RAI1: variants seen among roughly 807,000 people sequenced by gnomAD.
RAI1 encodes the protein retinoic acid induced 1.
RAI1 carries 9 observed loss-of-function variants against 123.8 expected under a neutral mutation model. The observed-to-expected ratio is 0.07, with a 90% confidence interval of 0.04 to 0.13. The LOEUF is 0.13. Among genes scored for constraint, RAI1 ranks in the 10% least tolerant of loss-of-function variants. The pLI, the probability that RAI1 is intolerant of heterozygous loss-of-function variation, is 1.00. For synonymous variants in RAI1, 1,231 were observed against 1,127.3 expected (o/e 1.09, Z -1.84); for missense variants, 2,256 against 2,545.8 (o/e 0.89, Z 2.45).
chr17:17,691,749 A>T (rs1914844798), intron 1 of RAI1, among the ~76,000 whole-genome samples: 1 of 151,326 alleles, frequency 6.6e-6, no homozygotes, highest in African/African-American at 2.4e-5. Flanking sequence ...GTTTGAGGGA[A>T]CTCCAGCCCC....
intron 1 of RAI1, among the ~76,000 whole-genome samples, chr17:17,682,325 T>C (rs1914456022): frequency 6.6e-6 from 1 of 150,994 alleles, no homozygotes; most frequent in Admixed American, 6.6e-5. Flanking sequence ...GTGCTCGGGC[T>C]CTCTGCGGTG....
At chr17:17,787,656 C>T (rs1433253473) in intron 2 of RAI1, among the ~76,000 whole-genome samples, 1 of 152,176 alleles carries the variant, frequency 6.6e-6, no homozygotes, top group Non-Finnish European at 1.5e-5. Flanking sequence ...GCCCTGCGGC[C>T]CAGGTCTCCC....
intron 1 of RAI1, among the ~76,000 whole-genome samples, chr17:17,705,948 C>T (rs764352889): frequency 1.5e-4 from 22 of 142,242 alleles, no homozygotes; most frequent in African/African-American, 5.6e-4. Flanking sequence ...CTCCTGAATC[C>T]GGGAGGCAGA....
rs555036003 is a variant in RAI1 at position 17,799,503 on chromosome 17, C to G, written c.5565+990C>G. On this transcript the variant is annotated intron_variant, in intron 3 of 5. Transcript: ENST00000353383. The surrounding 1 kb of genome is among the most constrained non-coding windows in gnomAD (Gnocchi z 4.5). ...CTGCCCCCACATTCAACCCCGACTC[C>G]ACTGCCTCATCCAGACTTCCGTGGA... Among the ~76,000 whole-genome samples, 10 of 152,308 alleles carry G rather than the reference C, an allele frequency of 6.6e-5. No individual in the cohort carries two copies. In the South Asian group the frequency reaches 2.1e-3, roughly 32 times the overall value.
At chr17:17,786,187 C>T (rs755985803) in intron 2 of RAI1, among the ~76,000 whole-genome samples, 3 of 152,154 alleles carry the variant, frequency 2.0e-5, no homozygotes, top group African/African-American at 4.8e-5. Context: ...CACTTCCCTG[C>T]CAGGCCTCGG....
chr17:17,707,556 G>A (rs1338638659), intron 1 of RAI1, among the ~76,000 whole-genome samples: 1 of 152,140 alleles, frequency 6.6e-6, no homozygotes. Context: ...GAGCCACTGT[G>A]GCTGGAGGGG....
intron 2 of RAI1, chr17:17,782,034 G>A (rs796593533): frequency 1.1e-4 from 17 of 152,338 alleles, no homozygotes; most frequent in African/African-American, 3.6e-4. Flanking sequence ...GGGAGAGAGG[G>A]AGGCGAAGGG....
intron 2 of RAI1, among the ~76,000 whole-genome samples, chr17:17,765,049 C>T (rs1447089468): frequency 1.3e-5 from 2 of 152,234 alleles, no homozygotes; most frequent in African/African-American, 4.8e-5. Context: ...TCTTCGGTGG[C>T]TTGCGCCTGT....
At chr17:17,738,846 C>T (rs1030230560) in intron 2 of RAI1, among the ~76,000 whole-genome samples, 6 of 152,174 alleles carry the variant, frequency 3.9e-5, no homozygotes, top group Non-Finnish European at 8.8e-5. Context: ...GCCTGCATTA[C>T]CTTCAAAGGG....
At chr17:17,730,193 A>G (rs1916221707) in intron 2 of RAI1, among the ~76,000 whole-genome samples, 1 of 152,238 alleles carries the variant, frequency 6.6e-6, no homozygotes, top group Non-Finnish European at 1.5e-5. Flanking sequence ...TGATGTTGGT[A>G]TCTGCCTTCC....
intron 2 of RAI1, among the ~76,000 whole-genome samples, chr17:17,738,874 G>A (rs141858776): frequency 2.0e-5 from 3 of 152,268 alleles, no homozygotes; most frequent in East Asian, 1.9e-4. Flanking sequence ...TGCAAGCATG[G>A]GCTGTCCTCC....
chr17:17,739,717 C>T (rs540783871), intron 2 of RAI1, among the ~76,000 whole-genome samples: 2 of 152,332 alleles, frequency 1.3e-5, no homozygotes, highest in South Asian at 4.1e-4. Flanking sequence ...ATTTTGAGGT[C>T]TTATGCCACC....
intron 2 of RAI1, among the ~76,000 whole-genome samples, chr17:17,757,449 G>A (rs2030483373): frequency 6.6e-6 from 1 of 152,206 alleles, no homozygotes. Flanking sequence ...TGCCGTAGGG[G>A]TGGGGGACAG....
chr17:17,808,406 T>TTTA (rs1567940316), intron 4 of RAI1, among the ~76,000 whole-genome samples: 5 of 102,110 alleles, frequency 4.9e-5, no homozygotes, highest in African/African-American at 2.4e-4. Context: ...TTTATTTTAT[T>TTTA]TTATTTTATT....
At chr17:17,724,401 CTTT>C (rs1473536305) in intron 2 of RAI1, among the ~76,000 whole-genome samples, 3 of 104,078 alleles carry the variant, frequency 2.9e-5, no homozygotes, top group African/African-American at 7.4e-5. Flanking sequence ...GAATTTCTTT[CTTT>C]CCTTTTTTTT....
At chr17:17,734,463 G>C (rs1916362018) in intron 2 of RAI1, among the ~76,000 whole-genome samples, 1 of 152,144 alleles carries the variant, frequency 6.6e-6, no homozygotes, top group Non-Finnish European at 1.5e-5. Flanking sequence ...AAAAGTTGGG[G>C]GGATGTTAAG....
intron 2 of RAI1, among the ~76,000 whole-genome samples, chr17:17,763,632 C>A (rs950524241): frequency 3.9e-5 from 6 of 152,218 alleles, no homozygotes; most frequent in Non-Finnish European, 8.8e-5. Context: ...CATAAAAGAA[C>A]CTGGTGCATT....
chr17:17,722,875 C>T (rs868138355), intron 1 of RAI1, among the ~76,000 whole-genome samples: 10 of 152,212 alleles, frequency 6.6e-5, no homozygotes, highest in African/African-American at 2.4e-4. Context: ...ACACGTCGCG[C>T]TGCGCCGCGA....
intron 1 of RAI1, among the ~76,000 whole-genome samples, chr17:17,722,813 C>T (rs1277375735): frequency 6.8e-6 from 1 of 147,118 alleles, no homozygotes; most frequent in African/African-American, 2.7e-5. Flanking sequence ...AGGGGAGGCG[C>T]GCGATGAAGG....
Sources: allele counts gnomAD v4.1 joint callset (sites outside exome capture counted in the v4.1 genomes callset), GRCh38; gene constraint gnomAD v4.1.1; non-coding constraint Gnocchi (gnomAD v3.1); transcripts MANE v1.5; gene names NCBI Gene and HGNC (gene_info 2026-07-23, HGNC 2026-07-21).